The following SH3RF3 variants were observed in gnomAD, a reference collection of about 807,000 sequenced individuals.
SH3RF3 encodes the protein SH3 domain containing ring finger 3, also known as E3 ubiquitin-protein ligase SH3RF3.
A neutral mutation model predicts 66.3 loss-of-function variants in SH3RF3; 29 were observed. The observed-to-expected ratio is 0.44, with a 90% CI of 0.33 to 0.60. The LOEUF (loss-of-function observed/expected upper bound fraction) is 0.60. Ranked by LOEUF, SH3RF3 falls within the 20% of genes least tolerant of loss-of-function variation. The pLI, the probability that SH3RF3 is intolerant of heterozygous loss-of-function variation, is 0.04. For synonymous variants in SH3RF3, 583 were observed against 532.0 expected (o/e 1.10, Z -1.32); for missense variants, 1,194 against 1,190.9 (o/e 1.00, Z -0.04).
chr2:109,292,314 G>T (rs1311420206), intron 1 of SH3RF3, among the ~76,000 whole-genome samples: 2 of 152,212 alleles, frequency 1.3e-5, no homozygotes, highest in East Asian at 1.9e-4. Context: ...CCTTGTTAGT[G>T]TATTGGGGTT....
intron 1 of SH3RF3, among the ~76,000 whole-genome samples, chr2:109,327,315 TG>T (rs1682182080): frequency 6.6e-6 from 1 of 152,222 alleles, no homozygotes; most frequent in Non-Finnish European, 1.5e-5. Flanking sequence ...TCCCTGCCGC[TG>T]GTAAATCACA....
intron 3 of SH3RF3, among the ~76,000 whole-genome samples, chr2:109,393,581 T>C (rs1021517133): frequency 6.6e-6 from 1 of 152,160 alleles, no homozygotes; most frequent in African/African-American, 2.4e-5. Context: ...AAGAGTCATG[T>C]GTTGCCTTCT....
intron 1 of SH3RF3, among the ~76,000 whole-genome samples, chr2:109,218,772 C>T (rs1679159591): frequency 6.6e-6 from 1 of 152,182 alleles, no homozygotes; most frequent in Admixed American, 6.5e-5. Context: ...TGGGCTCTGA[C>T]TATATTTGCT....
intron 1 of SH3RF3, among the ~76,000 whole-genome samples, chr2:109,309,844 G>C (rs1681685093): frequency 8.9e-6 from 1 of 112,866 alleles, no homozygotes; most frequent in African/African-American, 4.8e-5. Context: ...CATAAAGCAA[G>C]TCCTGAGTGA....
In SH3RF3 at chr2:109,275,410, C is replaced by T. The variant is rs80260227; in HGVS notation, c.574-72264C>T. 7.9e-3 allele frequency among the ~76,000 whole-genome samples: 1,206 copies of T among 152,274 alleles called. 9 individuals carry two copies. Among genetic ancestry groups the T allele is most frequent in the Non-Finnish European group, 0.011 (749 of 68,022 alleles). ...GTGTGATGTGGCCTGAGGAGGGTTC[C>T]GTGACCCTCCATTCAGTTGGACCGA... is the stretch of plus-strand genomic sequence containing the variant. On this transcript the variant is annotated intron_variant, in intron 1 of 9. Coordinates refer to ENST00000309415, the MANE Select transcript of SH3RF3 (RefSeq NM_001099289.3).
In SH3RF3 at chr2:109,129,964, G is replaced by A. The variant is rs1432543387; in HGVS notation, c.424G>A (p.Gly142Ser). Residue 142 changes from glycine to serine, a missense_variant, in exon 1 of 10, where the codon GGC (glycine) becomes AGC (serine). Physicochemically the swap from Gly to Ser is moderately conservative, Grantham distance 56. Transcript: ENST00000309415. The stretch of plus-strand genomic sequence containing the variant: ...CAGCCCGCCCGCGCGTCCCATCCCA[G>A]GCCAGAGTGCGGCCCCCACGCTCGC... ...GGSPPARPIP[G>S]QSAAPTLAGG... 9 of 1,416,712 alleles carry A rather than the reference G, an allele frequency of 6.4e-6. No homozygotes were observed. The highest frequency in any genetic ancestry group is 7.3e-6 in the Non-Finnish European group (8 of 1,093,606). The allele number at this position is 1,416,712 out of a possible 1,614,324, so 87.8% of individuals were successfully genotyped here. A position where few individuals can be genotyped will look rare whatever the true frequency, so the allele number is the denominator to read the frequency against.
At position 109,129,989 on chromosome 2, in the gene SH3RF3, C is replaced by T. The variant is rs1676648529; in HGVS notation, c.449C>T (p.Ala150Val). 18 of 1,296,824 alleles carry T rather than the reference C, an allele frequency of 1.4e-5. No homozygotes were observed. Among genetic ancestry groups the T allele is most frequent in the Admixed American group, 4.2e-5 (1 of 23,876 alleles). 80.3% of individuals were successfully genotyped at this position (1,296,824 alleles called of 1,614,324 possible). ...IPGQSAAPTL[A>V]GGGGGAAGST... ...GGCCAGAGTGCGGCCCCCACGCTCGCGGGCGGCGGGGGCGGCGCGGCAGGC... is the reference window on the plus strand; with the variant it reads ...GGCCAGAGTGCGGCCCCCACGCTCGTGGGCGGCGGGGGCGGCGCGGCAGGC... Residue 150 changes from alanine (A) to valine (V), a missense_variant, in exon 1 of 10, where the codon GCG becomes GTG. Transcript: ENST00000309415.
intron 2 of SH3RF3, among the ~76,000 whole-genome samples, chr2:109,361,645 T>G (rs1328847099): frequency 6.6e-6 from 1 of 152,152 alleles, no homozygotes; most frequent in African/African-American, 2.4e-5. Context: ...GGCTAATTTT[T>G]TTGTATTTTT....
intron 6 of SH3RF3, among the ~76,000 whole-genome samples, chr2:109,435,019 G>T (rs1287243848): frequency 6.6e-6 from 1 of 152,102 alleles, no homozygotes. Flanking sequence ...CCTCATGGTT[G>T]CTCACTCTCC....
chr2:109,304,796 G>A (rs557815911), intron 1 of SH3RF3, among the ~76,000 whole-genome samples: 5 of 152,266 alleles, frequency 3.3e-5, no homozygotes, highest in African/African-American at 1.2e-4. Flanking sequence ...AGCCCTGCCC[G>A]GGACAGCTGT....
chr2:109,391,109 C>T (rs1031867274), intron 3 of SH3RF3, among the ~76,000 whole-genome samples: 3 of 152,232 alleles, frequency 2.0e-5, no homozygotes, highest in African/African-American at 4.8e-5. Flanking sequence ...AAACCATTCG[C>T]TCCGACTCCC....
At chr2:109,434,236 C>T (rs1677335663) in intron 6 of SH3RF3, among the ~76,000 whole-genome samples, 1 of 152,214 alleles carries the variant, frequency 6.6e-6, no homozygotes, top group South Asian at 2.1e-4. Flanking sequence ...CTGGGCTCGC[C>T]CGCCCTGCTG....
At chr2:109,278,660 T>A (rs1157598778) in intron 1 of SH3RF3, among the ~76,000 whole-genome samples, 1 of 152,214 alleles carries the variant, frequency 6.6e-6, no homozygotes, top group East Asian at 1.9e-4. Flanking sequence ...AAGCTTTGAT[T>A]AGGTCCAGGT....
At chr2:109,452,240 AG>A (rs919996418) in intron 8 of SH3RF3, among the ~76,000 whole-genome samples, 1 of 152,218 alleles carries the variant, frequency 6.6e-6, no homozygotes, top group African/African-American at 2.4e-5. Context: ...GTGCTGGGCT[AG>A]GGGGCTGCAG....
intron 1 of SH3RF3, among the ~76,000 whole-genome samples, chr2:109,286,127 T>C (rs944465598): frequency 6.6e-6 from 1 of 152,214 alleles, no homozygotes; most frequent in Non-Finnish European, 1.5e-5. Context: ...CCTGCAGGCC[T>C]GGTGCTTTGT....
intron 1 of SH3RF3, among the ~76,000 whole-genome samples, chr2:109,307,234 C>G (rs1385934530): frequency 3.3e-5 from 5 of 152,134 alleles, no homozygotes; most frequent in African/African-American, 1.2e-4. Flanking sequence ...TACCTTTTTG[C>G]ACATTGGACT....
intron 7 of SH3RF3, among the ~76,000 whole-genome samples, chr2:109,437,895 T>C (rs1373304768): frequency 6.6e-6 from 1 of 152,106 alleles, no homozygotes. Context: ...CACGGCGTCT[T>C]CCACCACGGT....
chr2:109,457,472 G>A (rs1678091382), intron 8 of SH3RF3, among the ~76,000 whole-genome samples: 1 of 152,234 alleles, frequency 6.6e-6, no homozygotes. Flanking sequence ...TAATAGTTGT[G>A]AGGGTTCTGC....
chr2:109,397,940 G>C (rs1330600550), intron 3 of SH3RF3, among the ~76,000 whole-genome samples: 1 of 152,208 alleles, frequency 6.6e-6, no homozygotes, highest in Non-Finnish European at 1.5e-5. Flanking sequence ...GGAAGGAGTC[G>C]TGTCCTGAGA....
Sources: gnomAD v4.1 joint callset for allele counts (sites outside exome capture counted in the v4.1 genomes callset) on GRCh38, gnomAD v4.1.1 for gene constraint, MANE v1.5 for transcripts, NCBI Gene and HGNC (gene_info 2026-07-23, HGNC 2026-07-21) for gene names.